SLCO1B3: variants seen among roughly 807,000 people sequenced by gnomAD.
The protein encoded by SLCO1B3 is solute carrier organic anion transporter family member 1B3, also known as liver-specific organic anion transporter 2.
A neutral mutation model predicts 71.8 loss-of-function variants in SLCO1B3; 72 were observed. That is an observed-to-expected ratio of 1.00 (90% CI 0.83 to 1.22). SLCO1B3 has a LOEUF of 1.22. SLCO1B3 is among the 50% of genes most tolerant of loss of function. The pLI is 0.00. For synonymous variants in SLCO1B3, 298 were observed against 278.4 expected (o/e 1.07, Z -0.70); for missense variants, 911 against 819.7 (o/e 1.11, Z -1.36).
chr12:20,823,491 C>T (rs981489107), intron 3 of SLCO1B3, among the ~76,000 whole-genome samples: 2 of 152,112 alleles, frequency 1.3e-5, no homozygotes, highest in Non-Finnish European at 2.9e-5. Flanking sequence ...TAATTTTTCT[C>T]TCTTCAATTC....
intron 13 of SLCO1B3, among the ~76,000 whole-genome samples, chr12:20,897,484 A>G (rs1866035982): frequency 6.6e-6 from 1 of 152,194 alleles, no homozygotes; most frequent in Non-Finnish European, 1.5e-5. Flanking sequence ...ACTGAGGCTA[A>G]GAGAGATTAA....
chr12:20,865,560 C>A (rs947765379), intron 8 of SLCO1B3, among the ~76,000 whole-genome samples: 7 of 151,916 alleles, frequency 4.6e-5, no homozygotes, highest in African/African-American at 1.7e-4. Flanking sequence ...CCTTGAACAG[C>A]ACAGATTTGA....
chr12:20,830,709 G>T (rs1358605025), intron 3 of SLCO1B3, among the ~76,000 whole-genome samples: 1 of 152,102 alleles, frequency 6.6e-6, no homozygotes, highest in Admixed American at 6.6e-5. Context: ...TGTTAAACAA[G>T]GTTCCTTTTA....
At chr12:20,885,997 C>A (rs1865786075) in intron 13 of SLCO1B3, among the ~76,000 whole-genome samples, 1 of 152,064 alleles carries the variant, frequency 6.6e-6, no homozygotes, top group Non-Finnish European at 1.5e-5. Context: ...TATTATTGAG[C>A]ATGGTTATGA....
chr12:20,869,131 CCCCCGGGGAAAGGGTGA>C lies in SLCO1B3; in HGVS notation c.728-6102_728-6086del, dbSNP rs548495188. 4.4e-3 allele frequency among the ~76,000 whole-genome samples: 669 copies of C among 152,198 alleles called. 7 individuals carry two copies. The highest frequency in any genetic ancestry group is 0.015 in the African/African-American group (611 of 41,520). On this transcript the variant is annotated intron_variant, in intron 8 of 15. Transcript: ENST00000381545. ...GGAGGAGCAGAGTCTTTTCTAAACTCCCCCGGGGAAAGGGTGACTCCCTTTCCCGGTCTGCTAAGTAG... is the reference window on the plus strand; with the variant it reads ...GGAGGAGCAGAGTCTTTTCTAAACTCCTCCCTTTCCCGGTCTGCTAAGTAG...
At position 20,861,077 on chromosome 12, in the gene SLCO1B3, A is replaced by T. The variant is rs1865253002; in HGVS notation, c.420A>T (p.Ser140=). The T allele has an allele frequency of 1.2e-6, 2 of 1,604,710 alleles. No homozygotes were observed. The stretch of plus-strand genomic sequence containing the variant: ...CAGAAAATTCAACATCAAGTTTATC[A>T]ACCTGTTTAATTAATCAAACCTTAT... ...NPSENSTSSL[S]TCLINQTLSF... The change falls in exon 6 of 16, where the codon TCA becomes TCT. Residue 140 remains serine, a synonymous_variant. Transcript: ENST00000381545.
chr12:20,820,528 G>A (rs1864276074), intron 3 of SLCO1B3, among the ~76,000 whole-genome samples: 1 of 152,178 alleles, frequency 6.6e-6, no homozygotes, highest in South Asian at 2.1e-4. Context: ...GCGTTTGGAA[G>A]TTCTTGTGTG....
intron 3 of SLCO1B3, among the ~76,000 whole-genome samples, chr12:20,818,922 A>C (rs1321528307): frequency 1.3e-5 from 2 of 152,046 alleles, no homozygotes; most frequent in East Asian, 1.9e-4. Flanking sequence ...GAACAATGGT[A>C]ATTGTGGGAC....
At chr12:20,819,979 G>A (rs1374187335) in intron 3 of SLCO1B3, among the ~76,000 whole-genome samples, 11 of 152,060 alleles carry the variant, frequency 7.2e-5, no homozygotes, top group Admixed American at 2.0e-4. Context: ...AAAATATCTC[G>A]GCCTAATAAG....
intron 3 of SLCO1B3, among the ~76,000 whole-genome samples, chr12:20,834,281 G>A (rs1864622404): frequency 9.5e-6 from 1 of 105,418 alleles, no homozygotes; most frequent in South Asian, 4.0e-4. Context: ...TCATATACAT[G>A]GAGAATATAT....
chr12:20,898,585 A>G (rs1029509729), intron 14 of SLCO1B3, 85 bp downstream of exon 14: 3 of 588,070 alleles, frequency 5.1e-6, no homozygotes, highest in Non-Finnish European at 5.9e-6. Context: ...ATTTTCAACT[A>G]TAAGACTGTA....
chr12:20,877,545 G>A (rs1172605437), intron 9 of SLCO1B3, among the ~76,000 whole-genome samples: 2 of 151,996 alleles, frequency 1.3e-5, no homozygotes, highest in Non-Finnish European at 1.5e-5. Context: ...AGTGAGTTAT[G>A]ATTGTATAGA....
intron 8 of SLCO1B3, among the ~76,000 whole-genome samples, chr12:20,868,916 C>A (rs1325641646): frequency 6.6e-6 from 1 of 152,134 alleles, no homozygotes; most frequent in Non-Finnish European, 1.5e-5. Context: ...CAACTTACAC[C>A]ATTATTTCTG....
chr12:20,839,420 C>A (rs1037648044), intron 3 of SLCO1B3, among the ~76,000 whole-genome samples: 3 of 152,014 alleles, frequency 2.0e-5, no homozygotes, highest in African/African-American at 7.2e-5. Flanking sequence ...GATAATTGCA[C>A]AGGTTTCATA....
At chr12:20,849,553 TC>T (rs1864980966) in intron 3 of SLCO1B3, among the ~76,000 whole-genome samples, 1 of 151,834 alleles carries the variant, frequency 6.6e-6, no homozygotes, top group Admixed American at 6.6e-5. Flanking sequence ...TCTAGCCAGA[TC>T]CATTAGACAA....
intron 8 of SLCO1B3, 54 bp downstream of exon 8, chr12:20,862,908 C>A: frequency 4.4e-6 from 4 of 918,068 alleles, no homozygotes; most frequent in Admixed American, 2.1e-5. Flanking sequence ...TGCAGGACAC[C>A]ATTCTTCCAA....
At chr12:20,864,555 T>C (rs1428478172) in intron 8 of SLCO1B3, among the ~76,000 whole-genome samples, 1 of 152,204 alleles carries the variant, frequency 6.6e-6, no homozygotes, top group African/African-American at 2.4e-5. Flanking sequence ...GTTAGACATG[T>C]GGCTTAGTGT....
chr12:20,912,464 G>T (rs1866401456), intron 15 of SLCO1B3, among the ~76,000 whole-genome samples: 1 of 148,832 alleles, frequency 6.7e-6, no homozygotes, highest in Non-Finnish European at 1.5e-5. Context: ...GAGTAGCGGG[G>T]ATTACAGGTG....
At chr12:20,842,579 C>G (rs980186436) in intron 3 of SLCO1B3, among the ~76,000 whole-genome samples, 1 of 151,892 alleles carries the variant, frequency 6.6e-6, no homozygotes, top group Non-Finnish European at 1.5e-5. Context: ...TTATCAAGAT[C>G]GCATATTTAG....
Sources: allele counts gnomAD v4.1 joint callset (sites outside exome capture counted in the v4.1 genomes callset), GRCh38; gene constraint gnomAD v4.1.1; transcripts MANE v1.5; gene names NCBI Gene and HGNC (gene_info 2026-07-23, HGNC 2026-07-21).